The following PEAK1 variants were observed in gnomAD, a reference collection of about 807,000 sequenced individuals.
PEAK1 encodes the protein pseudopodium enriched atypical kinase 1.
PEAK1 carries 54 observed loss-of-function variants against 124.7 expected under a neutral mutation model. That is an observed-to-expected ratio of 0.43 (90% CI 0.35 to 0.54). The LOEUF (loss-of-function observed/expected upper bound fraction) is 0.54, where lower values mean the gene tolerates loss of function less well. Among genes scored for constraint, PEAK1 ranks in the 20% least tolerant of loss-of-function variants. The pLI is 0.01. For synonymous variants in PEAK1, 719 were observed against 760.0 expected (o/e 0.95, Z 0.89); for missense variants, 2,046 against 2,134.5 (o/e 0.96, Z 0.82).
chr15:77,418,007 A>G (rs1381176153), intron 1 of PEAK1: 1 of 973,668 alleles, frequency 1.0e-6, no homozygotes, highest in Non-Finnish European at 1.2e-6. Context: ...GCATTCCAGG[A>G]ACATATTTTT....
Position 77,206,943 on chromosome 15 carries a change from C to G in PEAK1, c.-114-24903G>C, listed in dbSNP as rs921326247. ...TATAGATCAATGGAACAGAACAGAG[C>G]CCTCAGAAATAACGCCGCATACCTA... On this transcript the variant is annotated intron_variant, in intron 6 of 9. Transcript: ENST00000682557. 1.9e-4 allele frequency among the ~76,000 whole-genome samples: 29 copies of G among 152,106 alleles called. 1 individual carries two copies. Among genetic ancestry groups the G allele is most frequent in the African/African-American group, 6.5e-4 (27 of 41,464 alleles).
rs2066950297 is a variant in PEAK1, at chr15:77,347,697, AT to A, written c.-603+17465del. The A allele has an allele frequency of 5.1e-6, 5 of 972,222 alleles. 1 individual carries two copies. In the South Asian group the frequency reaches 2.4e-4, roughly 46 times the overall value. The allele number at this position is 972,222 out of a possible 1,614,324, so 60.2% of individuals were successfully genotyped here. On this transcript the variant is annotated intron_variant, in intron 2 of 9. Transcript: ENST00000682557. ...CCTCCTAAAACAGAAATTTTTAGAA[AT>A]TACAGAAAATATTTCCATGTTTAAA...
chr15:77,100,938 T>A (rs1387955601), exon 7 of PEAK1: 2 of 152,252 alleles, frequency 1.3e-5, no homozygotes, highest in East Asian at 3.8e-4. Flanking sequence ...AAATGAGGGC[T>A]CTGATGTGGG....
At chr15:77,102,160 T>A (rs926723500) in exon 7 of PEAK1, 5 of 152,232 alleles carry the variant, frequency 3.3e-5, no homozygotes, top group African/African-American at 1.2e-4. Flanking sequence ...GTTAAAATTT[T>A]TTTTTAGATA....
At chr15:77,346,010 A>C in intron 2 of PEAK1, 1 of 985,456 alleles carries the variant, frequency 1.0e-6, no homozygotes, top group Non-Finnish European at 1.2e-6. Context: ...TGGGGAAATG[A>C]AATGGAAAAG....
At chr15:77,387,529 T>C (rs1240153642) in intron 1 of PEAK1, among the ~76,000 whole-genome samples, 3 of 152,206 alleles carry the variant, frequency 2.0e-5, no homozygotes, top group Admixed American at 6.5e-5. Context: ...CCCTAACTAA[T>C]GTGTACGATC....
chr15:77,240,900 C>A (rs1449778817), intron 6 of PEAK1, among the ~76,000 whole-genome samples: 1 of 152,130 alleles, frequency 6.6e-6, no homozygotes, highest in Non-Finnish European at 1.5e-5. Flanking sequence ...AATCTCAATT[C>A]TGAACAGTCT....
intron 2 of PEAK1, among the ~76,000 whole-genome samples, chr15:77,316,323 T>C (rs1597259981): frequency 6.6e-6 from 1 of 152,322 alleles, no homozygotes; most frequent in Non-Finnish European, 1.5e-5. Context: ...ATAAATATGA[T>C]TGCCATTTTG....
chr15:77,341,815 A>T lies in PEAK1; in HGVS notation c.-603+23348T>A, dbSNP rs1192912006. Among the ~76,000 whole-genome samples, 3 of 152,194 alleles carry T rather than the reference A, an allele frequency of 2.0e-5. No individual in the cohort carries two copies. In the East Asian group the frequency reaches 5.8e-4, roughly 29 times the overall value. On this transcript the variant is annotated intron_variant, in intron 2 of 9. Transcript: ENST00000682557. ...AAAAGTCTAAGACAAAGACAAGACAAATTATTTATTGTACCACAAGCATAT... is the reference window on the plus strand; with the variant it reads ...AAAAGTCTAAGACAAAGACAAGACATATTATTTATTGTACCACAAGCATAT...
At chr15:77,273,820 A>T (rs1429290446) in intron 5 of PEAK1, among the ~76,000 whole-genome samples, 1 of 152,180 alleles carries the variant, frequency 6.6e-6, no homozygotes, top group East Asian at 1.9e-4. Context: ...CACGTAGCCA[A>T]AGCAAGACTA....
chr15:77,179,642 T>C lies in PEAK1; in HGVS notation c.2285A>G (p.Lys762Arg). 2 of 1,614,146 alleles carry C rather than the reference T, an allele frequency of 1.2e-6. No homozygotes were observed. The highest frequency in any genetic ancestry group is 1.7e-6 in the Non-Finnish European group (2 of 1,180,012). The change falls in exon 7 of 10, where the codon AAA becomes AGA. Residue 762 changes from lysine to arginine, a missense_variant. Coordinates refer to ENST00000682557, the MANE Select transcript of PEAK1 (RefSeq NM_001385026.1). ...QMVGSSSTRE[K>R]ASTVLSQIVA... ...AATCTGAGAAAGCACTGTGCTTGCT[T>C]TCTCTCTGGTGCTGCTGCTGCCCAC...
chr15:77,123,455 AG>A (rs2052098201), intron 9 of PEAK1, among the ~76,000 whole-genome samples: 1 of 152,190 alleles, frequency 6.6e-6, no homozygotes, highest in Non-Finnish European at 1.5e-5. Context: ...TTACTGCTTC[AG>A]GCATGAAATA....
In PEAK1 at chr15:77,333,779, A is replaced by G. The variant is rs77334303; in HGVS notation, c.-603+31384T>C. ...CTCTACCTTGTTCCATTCTTAGTCAATATCATATGGTTTTAATCATTGCAG... is the reference window on the plus strand; with the variant it reads ...CTCTACCTTGTTCCATTCTTAGTCAGTATCATATGGTTTTAATCATTGCAG... On this transcript the variant is annotated intron_variant, in intron 2 of 9. Transcript: ENST00000682557. The G allele has an allele frequency of 4.5e-4, 407 of 901,290 alleles. 14 individuals are homozygous for G. The East Asian group carries it at 0.033, about 73-fold the overall frequency. 55.8% of individuals were successfully genotyped at this position (901,290 alleles called of 1,614,324 possible).
chr15:77,333,386 G>C (rs756547962), intron 2 of PEAK1: 1 of 983,310 alleles, frequency 1.0e-6, no homozygotes, highest in Non-Finnish European at 1.2e-6. Flanking sequence ...TGGTGGTTTT[G>C]TGGTTTCTAA....
intron 1 of PEAK1, among the ~76,000 whole-genome samples, chr15:77,396,424 A>G (rs2070891816): frequency 6.6e-6 from 1 of 152,106 alleles, no homozygotes; most frequent in Admixed American, 6.5e-5. Context: ...ACTTATCAGT[A>G]ATAATATTGA....
chr15:77,120,287 C>T lies in PEAK1; in HGVS notation c.4078-4968G>A, dbSNP rs999741260. 4.6e-5 allele frequency among the ~76,000 whole-genome samples: 7 copies of T among 152,182 alleles called. No homozygotes were observed. In the East Asian group the frequency reaches 7.7e-4, roughly 17 times the overall value. Reference sequence around the variant, plus strand: ...CTGACTTCCGTGTCTACATTTGTAACGCACCCTTGTCTTTGGGCTTTAGGC... The same window carrying T: ...CTGACTTCCGTGTCTACATTTGTAATGCACCCTTGTCTTTGGGCTTTAGGC... On this transcript the variant is annotated intron_variant, in intron 9 of 9. Transcript: ENST00000682557.
chr15:77,315,557 T>C (rs1239916513), intron 2 of PEAK1, among the ~76,000 whole-genome samples: 2 of 152,020 alleles, frequency 1.3e-5, no homozygotes, highest in Admixed American at 6.6e-5. Context: ...GTTTTATATA[T>C]TACTTTCCCA....
chr15:77,256,448 C>A (rs1363271300), intron 5 of PEAK1, among the ~76,000 whole-genome samples: 2 of 151,686 alleles, frequency 1.3e-5, no homozygotes, highest in African/African-American at 4.8e-5. Context: ...ATACAATGGT[C>A]TACTAGGAAT....
At position 77,133,691 on chromosome 15, in the gene PEAK1, C is replaced by T; in HGVS notation, c.3391G>A (p.Asp1131Asn). ...TTCCCTCCAAAGGCGATGGCATCGTCCACAGCTCCCTTGGGCTGTCGTGGC... is the reference window on the plus strand; with the variant it reads ...TTCCCTCCAAAGGCGATGGCATCGTTCACAGCTCCCTTGGGCTGTCGTGGC... Reference protein sequence around the residue: ...KQPRQPKGAVDDAIAFGGKTD... With the variant: ...KQPRQPKGAVNDAIAFGGKTD... Residue 1131 changes from aspartate (D) to asparagine (N), a missense_variant, in exon 9 of 10, where the codon GAC becomes AAC. By Grantham distance (23) the Asp-to-Asn change is conservative. Transcript: ENST00000682557. The surrounding 1 kb of genome is among the most constrained non-coding windows in gnomAD (Gnocchi z 4.2). The T allele has an allele frequency of 6.2e-7, 1 of 1,613,976 alleles. No individual in the cohort carries two copies. Among genetic ancestry groups the T allele is most frequent in the Non-Finnish European group, 8.5e-7 (1 of 1,179,930 alleles).
Sources: allele counts gnomAD v4.1 joint callset (sites outside exome capture counted in the v4.1 genomes callset), GRCh38; gene constraint gnomAD v4.1.1; non-coding constraint Gnocchi (gnomAD v3.1); transcripts MANE v1.5; gene names NCBI Gene and HGNC (gene_info 2026-07-23, HGNC 2026-07-21).